FMNL2: variants seen among roughly 807,000 people sequenced by gnomAD.
FMNL2 encodes the protein formin-like protein 2.
Under a neutral mutation model 130.2 loss-of-function variants are expected in FMNL2, and 51 were observed. The ratio of observed to expected loss-of-function variants is 0.39; its 90% CI spans 0.31 to 0.49. FMNL2 has a LOEUF of 0.49. Ranked by LOEUF, FMNL2 falls within the 20% of genes least tolerant of loss-of-function variation. The pLI, the probability that FMNL2 is intolerant of heterozygous loss-of-function variation, is 0.85. For synonymous variants in FMNL2, 465 were observed against 467.1 expected, an observed-to-expected ratio of 1.00 and a Z score of 0.06; for missense variants, 977 against 1,316.2, an observed-to-expected ratio of 0.74 and a Z score of 3.99.
chr2:152,438,567 T>C (rs1343141795), intron 1 of FMNL2, among the ~76,000 whole-genome samples: 2 of 152,220 alleles, frequency 1.3e-5, no homozygotes, highest in Non-Finnish European at 2.9e-5. Context: ...ATATGACTTT[T>C]AATGTCAGCT....
At position 152,618,863 on chromosome 2, in the gene FMNL2, A is replaced by G. The variant is rs1273374396; in HGVS notation, c.1332A>G (p.Ala444=). Residue 444 remains alanine (A), a synonymous_variant, in exon 14 of 26, where the codon GCA becomes GCG. Transcript: ENST00000288670. ...TATTGCAGGAAATCTACAAAGATGCAAATACTCAAGTTCACACATTAAGAA... is the reference window on the plus strand; with the variant it reads ...TATTGCAGGAAATCTACAAAGATGCGAATACTCAAGTTCACACATTAAGAA... ...LDVVREIYKD[A]NTQVHTLRKM... 33 of 1,599,780 alleles carry G rather than the reference A, an allele frequency of 2.1e-5. No individual in the cohort carries two copies. In the Admixed American group the frequency reaches 2.4e-4, roughly 12 times the overall value.
chr2:152,612,937 G>A (rs1005296488), intron 11 of FMNL2, among the ~76,000 whole-genome samples: 1 of 152,170 alleles, frequency 6.6e-6, no homozygotes, highest in African/African-American at 2.4e-5. Context: ...GAATTCAGTT[G>A]CCCATCTTTG....
intron 1 of FMNL2, among the ~76,000 whole-genome samples, chr2:152,338,835 A>ACACACACACACACACACC (rs1417681864): frequency 3.8e-5 from 2 of 52,750 alleles, no homozygotes; most frequent in African/African-American, 7.5e-5. Context: ...ACACACACAC[A>ACACACACACACACACACC]CACACACACA....
At chr2:152,478,205 A>T (rs958583506) in intron 1 of FMNL2, among the ~76,000 whole-genome samples, 17 of 147,568 alleles carry the variant, frequency 1.2e-4, no homozygotes, top group Admixed American at 1.4e-4. Flanking sequence ...AAATGTATAT[A>T]CTTAATATAC....
chr2:152,515,903 G>A (rs1692739136), intron 1 of FMNL2, among the ~76,000 whole-genome samples: 1 of 152,130 alleles, frequency 6.6e-6, no homozygotes, highest in Non-Finnish European at 1.5e-5. Context: ...TTTTTCGACT[G>A]TGGGGTGTTT....
In FMNL2 at chr2:152,647,904, G is replaced by T. The variant is rs1559040901; in HGVS notation, c.3278G>T (p.Ter1093LeuextTer2). The T allele has an allele frequency of 1.2e-6, 2 of 1,611,508 alleles. No individual in the cohort carries two copies. Among genetic ancestry groups the T allele is most frequent in the Middle Eastern group, 3.3e-4 (2 of 6,052 alleles). Residue 1093 changes from the stop codon to leucine, a stop_lost, in exon 26 of 26, where the codon TGA (stop) becomes TTA (leucine). Coordinates refer to ENST00000288670, the MANE Select transcript of FMNL2 (RefSeq NM_052905.4). ...GTTAATGGTGCCGAAATAACAATGT[G>T]AACCTGAGACTGGCCTGCATGAATA... is the stretch of plus-strand genomic sequence containing the variant. The part of the protein sequence containing the change: ...RSVNGAEITM[*>L]
chr2:152,623,942 A>G (rs930134392), intron 15 of FMNL2, among the ~76,000 whole-genome samples: 4 of 150,966 alleles, frequency 2.6e-5, no homozygotes, highest in Non-Finnish European at 5.9e-5. Flanking sequence ...GATACCTCCT[A>G]GTCAAACACA....
At chr2:152,588,264 C>T (rs982991909) in intron 9 of FMNL2, among the ~76,000 whole-genome samples, 2 of 152,202 alleles carry the variant, frequency 1.3e-5, no homozygotes, top group African/African-American at 4.8e-5. Context: ...GGCTTCCAGC[C>T]CCTTCCTCCA....
At chr2:152,611,296 G>A (rs1442817887) in intron 10 of FMNL2, among the ~76,000 whole-genome samples, 199 bp from the exon 11 acceptor site, 1 of 152,100 alleles carries the variant, frequency 6.6e-6, no homozygotes, top group Admixed American at 6.5e-5. Context: ...CCGAGATCAT[G>A]CCACTGCACT....
At chr2:152,366,590 C>A (rs1315384111) in intron 1 of FMNL2, among the ~76,000 whole-genome samples, 4 of 152,098 alleles carry the variant, frequency 2.6e-5, no homozygotes, top group Non-Finnish European at 4.4e-5. Context: ...ATACACTTGA[C>A]CAGATGCAGG....
chr2:152,401,898 C>CTTTTT lies in FMNL2; in HGVS notation c.117+66199_117+66203dup, dbSNP rs70974858. Among the ~76,000 whole-genome samples, 168 of 78,552 alleles carry CTTTTT rather than the reference C, an allele frequency of 2.1e-3. 1 individual carries two copies. The highest frequency in any genetic ancestry group is 2.6e-3 in the East Asian group (6 of 2,352). The allele number at this position is 78,552 out of a possible 152,430, so 51.5% of individuals were successfully genotyped here. A position where few individuals can be genotyped will look rare whatever the true frequency, so the allele number is the denominator to read the frequency against. On this transcript the variant is annotated intron_variant, in intron 1 of 25. Coordinates refer to ENST00000288670, the MANE Select transcript of FMNL2 (RefSeq NM_052905.4). The stretch of plus-strand genomic sequence containing the variant: ...GGTAGTTTCAGATGTTGTGTTTAAT[C>CTTTTT]TTTTTTTTTTTTTTTTTTTTTTTTT...
intron 1 of FMNL2, among the ~76,000 whole-genome samples, chr2:152,435,693 A>T (rs953728211): frequency 6.6e-6 from 1 of 152,166 alleles, no homozygotes; most frequent in African/African-American, 2.4e-5. Context: ...TAGCATTTTA[A>T]TTTTGTTCAA....
chr2:152,345,695 C>T (rs781236158), intron 1 of FMNL2, among the ~76,000 whole-genome samples: 7 of 152,142 alleles, frequency 4.6e-5, no homozygotes, highest in Non-Finnish European at 8.8e-5. Flanking sequence ...ACCTAGGAAG[C>T]CAAATGTTTT....
chr2:152,513,126 T>C (rs926030381), intron 1 of FMNL2, among the ~76,000 whole-genome samples: 17 of 152,330 alleles, frequency 1.1e-4, no homozygotes, highest in Admixed American at 7.8e-4. Context: ...TGTATTGATA[T>C]ACAGTTTTGT....
intron 23 of FMNL2, 32 bp from the exon 24 acceptor site, chr2:152,639,926 C>T (rs1397313770): frequency 2.0e-6 from 3 of 1,523,276 alleles, no homozygotes; most frequent in Admixed American, 2.3e-5. Flanking sequence ...TTTCCATTAA[C>T]ATCATCTTTC....
intron 5 of FMNL2, 63 bp from the exon 6 acceptor site, chr2:152,560,820 T>C: frequency 1.3e-6 from 2 of 1,491,396 alleles, no homozygotes; most frequent in Non-Finnish European, 1.8e-6. Context: ...AAGTTATACA[T>C]GTTCGTTTAT....
intron 1 of FMNL2, among the ~76,000 whole-genome samples, chr2:152,355,249 A>G (rs1579460915): frequency 6.6e-6 from 1 of 152,352 alleles, no homozygotes; most frequent in South Asian, 2.1e-4. Context: ...ATTATAAATG[A>G]AACCTAACAG....
chr2:152,425,987 C>T (rs1354230845), intron 1 of FMNL2, among the ~76,000 whole-genome samples: 1 of 152,138 alleles, frequency 6.6e-6, no homozygotes, highest in Non-Finnish European at 1.5e-5. Context: ...TTGAATATCT[C>T]CTCTGTTAGC....
At chr2:152,617,685 A>G (rs545462869) in intron 13 of FMNL2, among the ~76,000 whole-genome samples, 1 of 152,284 alleles carries the variant, frequency 6.6e-6, no homozygotes, top group Admixed American at 6.5e-5. Flanking sequence ...AGCAAACCCA[A>G]TCCATTTTAT....
Sources: gnomAD v4.1 joint callset for allele counts (sites outside exome capture counted in the v4.1 genomes callset) on GRCh38, gnomAD v4.1.1 for gene constraint, MANE v1.5 for transcripts, NCBI Gene and HGNC (gene_info 2026-07-23, HGNC 2026-07-21) for gene names.